CNTLN: variants seen among roughly 807,000 people sequenced by gnomAD.
The protein encoded by CNTLN is centlein, centrosomal protein.
In CNTLN, 212 loss-of-function variants were observed where a neutral mutation model predicts 180.0. The observed-to-expected ratio is 1.18, with a 90% CI of 1.05 to 1.32. The LOEUF is 1.32. CNTLN is among the 40% of genes most tolerant of loss of function. CNTLN has a pLI of 0.00. For missense variants in CNTLN, 2,095 were observed against 1,610.9 expected (o/e 1.30, Z -5.14); for synonymous variants, 722 against 563.1 (o/e 1.28, Z -3.99).
chr9:17,354,005 G>A (rs1332181251), intron 12 of CNTLN, among the ~76,000 whole-genome samples: 2 of 152,206 alleles, frequency 1.3e-5, no homozygotes, highest in Non-Finnish European at 2.9e-5. Context: ...GGGTGGGCGT[G>A]GGCTTGGCGG....
At chr9:17,400,729 A>G (rs1342222684) in intron 15 of CNTLN, among the ~76,000 whole-genome samples, 1 of 152,158 alleles carries the variant, frequency 6.6e-6, no homozygotes, top group Admixed American at 6.5e-5. Flanking sequence ...GCTATCTGAA[A>G]CACCCCTTAC....
intron 15 of CNTLN, among the ~76,000 whole-genome samples, chr9:17,402,168 G>A (rs1330187668): frequency 6.6e-6 from 1 of 151,742 alleles, no homozygotes; most frequent in Non-Finnish European, 1.5e-5. Flanking sequence ...CAAAAAGCTA[G>A]TACTACTGGG....
chr9:17,189,321 A>T (rs1343830413), intron 2 of CNTLN, among the ~76,000 whole-genome samples: 1 of 151,094 alleles, frequency 6.6e-6, no homozygotes, highest in Non-Finnish European at 1.5e-5. Context: ...TGACCTCATG[A>T]TCTGCCCTCT....
the CNTLN span, among the ~76,000 whole-genome samples, chr9:17,513,818 A>T: frequency 6.6e-6 from 1 of 152,224 alleles, no homozygotes; most frequent in African/African-American, 2.4e-5. Flanking sequence ...AGATATAACG[A>T]AGCTGATCTT....
At chr9:17,342,516 A>C (rs998071028) in intron 12 of CNTLN, 72 bp downstream of exon 12, 2 of 1,368,894 alleles carry the variant, frequency 1.5e-6, no homozygotes, top group East Asian at 2.4e-5. Flanking sequence ...CTTAAAAGCT[A>C]TTAAAGAAAC....
chr9:17,214,631 A>G (rs541464273), intron 2 of CNTLN, among the ~76,000 whole-genome samples: 1 of 152,286 alleles, frequency 6.6e-6, no homozygotes, highest in Admixed American at 6.5e-5. Context: ...GTTCTTCTGG[A>G]TAATATCCTG....
At chr9:17,408,268 G>C (rs561439667) in intron 15 of CNTLN, among the ~76,000 whole-genome samples, 1 of 151,724 alleles carries the variant, frequency 6.6e-6, no homozygotes, top group East Asian at 1.9e-4. Context: ...ATAGTTAAAA[G>C]CTCATCCATG....
At chr9:17,288,436 TC>T (rs1829137368) in intron 6 of CNTLN, among the ~76,000 whole-genome samples, 1 of 142,904 alleles carries the variant, frequency 7.0e-6, no homozygotes, top group African/African-American at 2.8e-5. Context: ...CAGTATGTGG[TC>T]AATTTTGGAA....
intron 10 of CNTLN, among the ~76,000 whole-genome samples, chr9:17,336,360 A>T (rs1821036910): frequency 6.6e-6 from 1 of 152,122 alleles, no homozygotes; most frequent in East Asian, 1.9e-4. Context: ...TAAAATGAAG[A>T]AGTGTTTTTC....
intron 5 of CNTLN, among the ~76,000 whole-genome samples, chr9:17,250,796 A>G (rs1455324080): frequency 6.6e-6 from 1 of 152,064 alleles, no homozygotes; most frequent in African/African-American, 2.4e-5. Flanking sequence ...TTAGAAGCCA[A>G]ATAGGTAATA....
At chr9:17,424,373 C>G (rs1440440726) in intron 18 of CNTLN, among the ~76,000 whole-genome samples, 1 of 152,064 alleles carries the variant, frequency 6.6e-6, no homozygotes, top group East Asian at 1.9e-4. Flanking sequence ...TTAAGACTAA[C>G]AGGATGTAAA....
At position 17,444,427 on chromosome 9, in the gene CNTLN, G is replaced by A. The variant is rs536432902; in HGVS notation, c.3115-13097G>A. Reference sequence around the variant, plus strand: ...ATTGACAGGAATTTCAGAGTCATGAGGGTACAGAGTAGTTTCTATTGGGCA... The same window carrying A: ...ATTGACAGGAATTTCAGAGTCATGAAGGTACAGAGTAGTTTCTATTGGGCA... On this transcript the variant is annotated intron_variant, in intron 18 of 25. Transcript: ENST00000380647. 1.8e-4 allele frequency among the ~76,000 whole-genome samples: 28 copies of A among 152,290 alleles called. 1 individual carries two copies. Among genetic ancestry groups the A allele is most frequent in the Admixed American group, 6.5e-5 (1 of 15,302 alleles).
chr9:17,181,153 T>C (rs539469477), intron 2 of CNTLN, among the ~76,000 whole-genome samples: 2 of 152,244 alleles, frequency 1.3e-5, no homozygotes, highest in African/African-American at 4.8e-5. Flanking sequence ...GCCTTCTTTC[T>C]CTTCTACCTA....
intron 6 of CNTLN, among the ~76,000 whole-genome samples, chr9:17,288,484 G>C (rs1421587516): frequency 7.0e-6 from 1 of 143,034 alleles, no homozygotes; most frequent in East Asian, 2.0e-4. Context: ...TGTATATTCT[G>C]TTGATTTGGG....
At chr9:17,282,380 A>G (rs573599217) in intron 6 of CNTLN, among the ~76,000 whole-genome samples, 1 of 152,282 alleles carries the variant, frequency 6.6e-6, no homozygotes, top group South Asian at 2.1e-4. Context: ...GGCATCATAA[A>G]TGTCTTCTTT....
At chr9:17,348,702 T>C (rs1822123655) in intron 12 of CNTLN, among the ~76,000 whole-genome samples, 1 of 152,034 alleles carries the variant, frequency 6.6e-6, no homozygotes, top group South Asian at 2.1e-4. Flanking sequence ...GGCAAATTTT[T>C]GTATTTTCTG....
intron 13 of CNTLN, 152 bp downstream of exon 13, chr9:17,366,869 G>C: frequency 1.9e-6 from 1 of 520,410 alleles, no homozygotes; most frequent in South Asian, 2.6e-5. Flanking sequence ...TTCATCCTGA[G>C]AAAATTAAAT....
In CNTLN at chr9:17,366,701, G is replaced by C. The variant is rs745830900; in HGVS notation, c.1971G>C (p.Val657=). Residue 657 remains valine (V), a synonymous_variant, in exon 13 of 26, where the codon GTG becomes GTC. Transcript: ENST00000380647. ...CAATACAAGAATTGAATAGATGTGT[G>C]GCAGAGAGAAGAGAAGGTAAATTTT... is the stretch of plus-strand genomic sequence containing the variant. ...KAAIQELNRC[V]AERREEQLFR... is the part of the protein sequence containing the mutation. 1.3e-6 allele frequency: 2 copies of C among 1,569,450 alleles called. No homozygotes were observed. Among genetic ancestry groups the C allele is most frequent in the East Asian group, 4.6e-5 (2 of 43,456 alleles).
chr9:17,299,847 A>AT (rs1221716694), intron 7 of CNTLN: 4 of 967,860 alleles, frequency 4.1e-6, no homozygotes, highest in Non-Finnish European at 3.7e-6. Flanking sequence ...TGCTTGAAAC[A>AT]TTTTTTTCCC....
Sources: gnomAD v4.1 joint callset for allele counts (sites outside exome capture counted in the v4.1 genomes callset) on GRCh38, gnomAD v4.1.1 for gene constraint, MANE v1.5 for transcripts, NCBI Gene and HGNC (gene_info 2026-07-23, HGNC 2026-07-21) for gene names.